RICTOR: variants seen among roughly 807,000 people sequenced by gnomAD.
RICTOR encodes RPTOR independent companion of MTOR complex 2, also known as rapamycin-insensitive companion of mTOR.
RICTOR carries 49 observed loss-of-function variants against 214.9 expected under a neutral mutation model. The ratio of observed to expected loss-of-function variants is 0.23; its 90% CI spans 0.18 to 0.29. The LOEUF (loss-of-function observed/expected upper bound fraction) is 0.29. Among genes scored for constraint, RICTOR ranks in the 10% least tolerant of loss-of-function variants. RICTOR has a pLI of 1.00. For missense variants in RICTOR, 1,625 were observed against 2,047.0 expected, an observed-to-expected ratio of 0.79 and a Z score of 3.98; for synonymous variants, 717 against 711.3, an observed-to-expected ratio of 1.01 and a Z score of -0.13.
At position 38,958,587 on chromosome 5, in the gene RICTOR, C is replaced by T. The variant is rs1464420482; in HGVS notation, c.2344-68G>A. The T allele has an allele frequency of 2.0e-6, 3 of 1,505,932 alleles. No individual in the cohort carries two copies. The African/African-American group carries it at 4.2e-5, about 21-fold the overall frequency. The allele number at this position is 1,505,932 out of a possible 1,614,324, so 93.3% of individuals were successfully genotyped here. On this transcript the variant is annotated intron_variant, in intron 23 of 37. Coordinates refer to ENST00000357387, the MANE Select transcript of RICTOR (RefSeq NM_152756.5). ...AGCAAAATTTTTAGTTCCAAAATGC[C>T]TATTATATACTTTTACATAATTGTC...
chr5:38,993,220 C>CT (rs1561507239), intron 6 of RICTOR, among the ~76,000 whole-genome samples: 1 of 152,088 alleles, frequency 6.6e-6, no homozygotes, highest in Non-Finnish European at 1.5e-5. Flanking sequence ...CACTATCTTG[C>CT]TATGTATCAA....
At chr5:38,948,531 G>A (rs1359339206) in intron 31 of RICTOR, among the ~76,000 whole-genome samples, 1 of 152,004 alleles carries the variant, frequency 6.6e-6, no homozygotes, top group Non-Finnish European at 1.5e-5. Flanking sequence ...GGTTTCCACA[G>A]AAATCTTTAT....
chr5:38,990,832 TGA>T lies in RICTOR; in HGVS notation c.583+115_583+116del, dbSNP rs371325605. The T allele has an allele frequency of 6.7e-5, 10 of 150,040 alleles. No individual in the cohort carries two copies. The African/African-American group carries it at 7.2e-4, about 11-fold the overall frequency. The allele number at this position is 150,040 out of a possible 1,614,324, so 9.3% of individuals were successfully genotyped here. On this transcript the variant is annotated intron_variant, in intron 7 of 37. Coordinates refer to ENST00000357387, the MANE Select transcript of RICTOR (RefSeq NM_152756.5). ...TGAGATATATGAGATATATGATATATGAGATATATGAGATATATGATATATAT... is the reference window on the plus strand; with the variant it reads ...TGAGATATATGAGATATATGATATATGATATATGAGATATATGATATATAT...
At position 38,938,678 on chromosome 5, in the gene RICTOR, G is replaced by C. The variant is rs1380177470; in HGVS notation, c.*3626C>G. 2 of 232,494 alleles carry C rather than the reference G, an allele frequency of 8.6e-6. No individual in the cohort carries two copies. The highest frequency in any genetic ancestry group is 2.2e-5 in the African/African-American group (1 of 45,292). 14.4% of individuals were successfully genotyped at this position (232,494 alleles called of 1,614,324 possible). A position where few individuals can be genotyped will look rare whatever the true frequency, so the allele number is the denominator to read the frequency against. ...GGAACTTGGAACTAAAAGAAGAAAAGAATGCTCCTAGAAAGATTCTCACAG... is the reference window on the plus strand; with the variant it reads ...GGAACTTGGAACTAAAAGAAGAAAACAATGCTCCTAGAAAGATTCTCACAG... On this transcript the variant is annotated 3_prime_UTR_variant, in exon 38 of 38. Transcript: ENST00000357387.
intron 2 of RICTOR, among the ~76,000 whole-genome samples, chr5:39,058,586 T>C (rs551743677): frequency 2.0e-5 from 3 of 152,148 alleles, no homozygotes; most frequent in Admixed American, 6.5e-5. Context: ...TATATATGTA[T>C]GCTCTTTCAA....
At position 38,938,040 on chromosome 5, in the gene RICTOR, CA is replaced by C. The variant is rs879931809; in HGVS notation, c.*4263del. ...TTATACAAAAACAAGAAAATCACAACAAAAAAAATCAAGGTGAGCAAAACCA... is the reference window on the plus strand; with the variant it reads ...TTATACAAAAACAAGAAAATCACAACAAAAAAATCAAGGTGAGCAAAACCA... On this transcript the variant is annotated 3_prime_UTR_variant, in exon 38 of 38. Coordinates refer to ENST00000357387, the MANE Select transcript of RICTOR (RefSeq NM_152756.5). 2.5e-5 allele frequency: 5 copies of C among 202,360 alleles called. No homozygotes were observed. Among genetic ancestry groups the C allele is most frequent in the Non-Finnish European group, 5.1e-5 (5 of 98,466 alleles). 12.5% of individuals were successfully genotyped at this position (202,360 alleles called of 1,614,324 possible).
chr5:38,963,147 T>A (rs939276824), intron 16 of RICTOR, 106 bp from the exon 17 acceptor site: 3 of 707,688 alleles, frequency 4.2e-6, no homozygotes, highest in Non-Finnish European at 6.5e-6. Flanking sequence ...CTAGAAATTA[T>A]TATTGATAAA....
rs527449154 is a variant in RICTOR at position 39,044,684 on chromosome 5, A to T, written c.98-23548T>A. ...ACAAACCTAATTAAATATAATTAAC[A>T]ATGCAATAGCATTCACCCAAATTTG... On this transcript the variant is annotated intron_variant, in intron 2 of 37. Transcript: ENST00000357387. Among the ~76,000 whole-genome samples the T allele has an allele frequency of 4.6e-5, 7 of 152,332 alleles. No homozygotes were observed. In the South Asian group the frequency reaches 6.2e-4, roughly 14 times the overall value.
intron 2 of RICTOR, among the ~76,000 whole-genome samples, chr5:39,066,727 C>T (rs777923852): frequency 6.6e-6 from 1 of 152,214 alleles, no homozygotes; most frequent in Non-Finnish European, 1.5e-5. Flanking sequence ...GACATTTCTT[C>T]CGCCAGATAC....
chr5:38,984,988 T>C (rs1752048195), intron 7 of RICTOR, among the ~76,000 whole-genome samples: 1 of 152,182 alleles, frequency 6.6e-6, no homozygotes, highest in South Asian at 2.1e-4. Flanking sequence ...GTTTGTTTTT[T>C]AGTAGAGACG....
intron 25 of RICTOR, among the ~76,000 whole-genome samples, 191 bp from the exon 26 acceptor site, chr5:38,955,895 C>A (rs1749220061): frequency 1.3e-5 from 2 of 151,946 alleles, no homozygotes; most frequent in Admixed American, 6.6e-5. Flanking sequence ...TGCCATTTTC[C>A]TCACAAATCT....
chr5:38,961,511 A>T (rs572520736), intron 19 of RICTOR, among the ~76,000 whole-genome samples: 8 of 152,260 alleles, frequency 5.3e-5, no homozygotes, highest in Admixed American at 3.3e-4. Context: ...CTAAGCTTCT[A>T]CTGAATTTAG....
intron 3 of RICTOR, among the ~76,000 whole-genome samples, chr5:39,008,696 A>G (rs536306644): frequency 3.5e-4 from 53 of 152,094 alleles, no homozygotes; most frequent in Non-Finnish European, 4.7e-4. Context: ...TGTTTTCTCC[A>G]GAACTGCTAA....
At chr5:39,007,811 T>A (rs926749090) in intron 3 of RICTOR, among the ~76,000 whole-genome samples, 2 of 150,558 alleles carry the variant, frequency 1.3e-5, no homozygotes, top group African/African-American at 4.9e-5. Context: ...AGAAAATAGT[T>A]TTAAATATTG....
At chr5:39,041,415 T>A (rs546637275) in intron 2 of RICTOR, among the ~76,000 whole-genome samples, 179 of 152,288 alleles carry the variant, frequency 1.2e-3, no homozygotes, top group Admixed American at 4.1e-3. Context: ...ATATCTTATA[T>A]CTTTGGGCAA....
intron 2 of RICTOR, among the ~76,000 whole-genome samples, chr5:39,072,228 A>G (rs1452256825): frequency 6.6e-6 from 1 of 152,208 alleles, no homozygotes; most frequent in Non-Finnish European, 1.5e-5. Context: ...CACTATCTAT[A>G]TTAACCTGGA....
In RICTOR at chr5:38,952,160, T is replaced by C. The variant is rs538795648; in HGVS notation, c.3127+36A>G. 13 of 1,191,252 alleles carry C rather than the reference T, an allele frequency of 1.1e-5. No individual in the cohort carries two copies. In the South Asian group the frequency reaches 1.7e-4, roughly 15 times the overall value. The allele number at this position is 1,191,252 out of a possible 1,614,324, so 73.8% of individuals were successfully genotyped here. On this transcript the variant is annotated intron_variant, in intron 30 of 37. Coordinates refer to ENST00000357387, the MANE Select transcript of RICTOR (RefSeq NM_152756.5). ...TAAAATTCAAATATAAATGTTAACA[T>C]TGGCTAACTTTATATGAACCTGTCA...
At chr5:38,949,293 T>A in intron 31 of RICTOR, 1 of 1,070,320 alleles carries the variant, frequency 9.3e-7, no homozygotes, top group Non-Finnish European at 1.3e-6. Context: ...TCACTGAAAT[T>A]TTCATTTATC....
intron 5 of RICTOR, among the ~76,000 whole-genome samples, chr5:38,999,220 C>T (rs1266114845): frequency 6.6e-6 from 1 of 151,182 alleles, no homozygotes; most frequent in Admixed American, 6.6e-5. Context: ...GCATCAGAAA[C>T]GTGGGACAGT....
Sources: gnomAD v4.1 joint callset for allele counts (sites outside exome capture counted in the v4.1 genomes callset) on GRCh38, gnomAD v4.1.1 for gene constraint, MANE v1.5 for transcripts, NCBI Gene and HGNC (gene_info 2026-07-23, HGNC 2026-07-21) for gene names.